The following SLC25A31 variants were observed in gnomAD, a reference collection of about 807,000 sequenced individuals.
SLC25A31 encodes ADP/ATP translocase 4.
In SLC25A31, 40 loss-of-function variants were observed where a neutral mutation model predicts 36.2. That is an observed-to-expected ratio of 1.10 (90% CI 0.86 to 1.44). SLC25A31 has a LOEUF of 1.44. SLC25A31 is among the 40% of genes most tolerant of loss of function. The probability of loss-of-function intolerance (pLI) is 0.00; values close to 1 mark genes in which losing one functional copy is unlikely to be tolerated. For synonymous variants in SLC25A31, 143 were observed against 149.7 expected (o/e 0.96, Z 0.32); for missense variants, 350 against 397.1 (o/e 0.88, Z 1.01).
chr4:127,743,219 G>A (rs911303930), intron 1 of SLC25A31, among the ~76,000 whole-genome samples: 7 of 148,994 alleles, frequency 4.7e-5, no homozygotes, highest in Admixed American at 3.4e-4. Flanking sequence ...CAGCCTCTAC[G>A]TCCTCAGCTC....
At chr4:127,773,288 C>A (rs986050197) in intron 5 of SLC25A31, 98 bp from the exon 6 acceptor site, 1 of 1,119,422 alleles carries the variant, frequency 8.9e-7, no homozygotes, top group Non-Finnish European at 1.3e-6. Flanking sequence ...TGCTACTCAA[C>A]ACAGTGTTTA....
At chr4:127,773,286 AAC>A in intron 5 of SLC25A31, 98 bp from the exon 6 acceptor site, 1 of 1,098,992 alleles carries the variant, frequency 9.1e-7, no homozygotes, top group East Asian at 2.5e-5. Context: ...AGTGCTACTC[AAC>A]ACAGTGTTTA....
intron 2 of SLC25A31, among the ~76,000 whole-genome samples, chr4:127,747,391 A>G (rs1284943346): frequency 6.6e-6 from 1 of 152,178 alleles, no homozygotes; most frequent in African/African-American, 2.4e-5. Flanking sequence ...ATTCCTGTCC[A>G]TGAGCATTGG....
At chr4:127,766,263 G>A (rs1489416702) in intron 3 of SLC25A31, among the ~76,000 whole-genome samples, 2 of 151,572 alleles carry the variant, frequency 1.3e-5, no homozygotes, top group African/African-American at 4.9e-5. Flanking sequence ...CACCTCCCAG[G>A]TTCAAGCAGT....
Position 127,730,551 on chromosome 4 carries a change from T to G in SLC25A31, c.6T>G (p.His2Gln). The change falls in exon 1 of 6, where the codon CAT becomes CAG. Residue 2 changes from histidine to glutamine, a missense_variant. Transcript: ENST00000281154. ...TTTTTATATCCTTCTCCATCATGCATCGTGAGCCTGCGAAAAAGAAGGCAG... is the reference window on the plus strand; with the variant it reads ...TTTTTATATCCTTCTCCATCATGCAGCGTGAGCCTGCGAAAAAGAAGGCAG... M[H>Q]REPAKKKAEK... 6.2e-7 allele frequency: 1 copy of G among 1,613,634 alleles called. No individual in the cohort carries two copies. Among genetic ancestry groups the G allele is most frequent in the Non-Finnish European group, 8.5e-7 (1 of 1,179,582 alleles).
At chr4:127,755,860 C>T (rs903202757) in intron 2 of SLC25A31, among the ~76,000 whole-genome samples, 1 of 152,156 alleles carries the variant, frequency 6.6e-6, no homozygotes, top group Non-Finnish European at 1.5e-5. Context: ...TGGTGAAACT[C>T]CATCTCTACT....
chr4:127,732,090 T>C (rs1384581019), intron 1 of SLC25A31, among the ~76,000 whole-genome samples: 1 of 152,234 alleles, frequency 6.6e-6, no homozygotes, highest in African/African-American at 2.4e-5. Flanking sequence ...CTATCAGATA[T>C]TTTATATAAT....
intron 2 of SLC25A31, among the ~76,000 whole-genome samples, chr4:127,757,368 T>C (rs576097486): frequency 4.6e-5 from 7 of 152,326 alleles, no homozygotes; most frequent in African/African-American, 1.4e-4. Flanking sequence ...TTCCCACTTA[T>C]AAGTGAGAAC....
rs1442022740 is a variant in SLC25A31, at chr4:127,760,731, C to T, written c.361-3512C>T. Among the ~76,000 whole-genome samples, 4 of 152,098 alleles carry T rather than the reference C, an allele frequency of 2.6e-5. No individual in the cohort carries two copies. In the East Asian group the frequency reaches 5.8e-4, roughly 22 times the overall value. ...ATCTTCTCCCTTCCTGATTCTTCTC[C>T]GTGCCTCTTCTTTTAACAATATAGT... On this transcript the variant is annotated intron_variant, in intron 2 of 5. Coordinates refer to ENST00000281154, the MANE Select transcript of SLC25A31 (RefSeq NM_031291.4).
At position 127,771,917 on chromosome 4, in the gene SLC25A31, G is replaced by A. The variant is rs557917885; in HGVS notation, c.760-1469G>A. ...AATCTGTTTTCTAGAGCTAACTCTTGTATGCCTGGGATAAACCCAGTTTGC... is the reference window on the plus strand; with the variant it reads ...AATCTGTTTTCTAGAGCTAACTCTTATATGCCTGGGATAAACCCAGTTTGC... On this transcript the variant is annotated intron_variant, in intron 5 of 5. Transcript: ENST00000281154. Among the ~76,000 whole-genome samples the A allele has an allele frequency of 7.4e-4, 113 of 152,264 alleles. 5 individuals are homozygous for A. In the South Asian group the frequency reaches 0.023, roughly 31 times the overall value.
Position 127,767,201 on chromosome 4 carries a change from G to T in SLC25A31, c.614G>T (p.Gly205Val). ...GIIVYRASYF[G>V]AYDTVKGLLP... is the part of the protein sequence containing the mutation. ...ATTGTGTACCGAGCCTCTTATTTTGGAGCTTATGACACAGTTAAGGTAATC... is the reference window on the plus strand; with the variant it reads ...ATTGTGTACCGAGCCTCTTATTTTGTAGCTTATGACACAGTTAAGGTAATC... Residue 205 changes from glycine (G) to valine (V), a missense_variant, in exon 4 of 6, where the codon GGA becomes GTA. Physicochemically the swap from Gly to Val is moderately radical, Grantham distance 109 (BLOSUM62 -3). Transcript: ENST00000281154. The T allele has an allele frequency of 1.2e-6, 2 of 1,602,854 alleles. No homozygotes were observed.
At chr4:127,752,600 A>AT (rs1201943891) in intron 2 of SLC25A31, among the ~76,000 whole-genome samples, 4 of 152,174 alleles carry the variant, frequency 2.6e-5, no homozygotes, top group Admixed American at 1.3e-4. Context: ...GCAAATGGAA[A>AT]TTTAAAAAGA....
intron 3 of SLC25A31, among the ~76,000 whole-genome samples, chr4:127,765,175 C>T (rs752216471): frequency 2.6e-5 from 4 of 152,158 alleles, no homozygotes; most frequent in Admixed American, 6.5e-5. Flanking sequence ...CACAGTAAGT[C>T]ATTTGGCTGC....
At chr4:127,733,849 C>G (rs1461469196) in intron 1 of SLC25A31, among the ~76,000 whole-genome samples, 1 of 152,144 alleles carries the variant, frequency 6.6e-6, no homozygotes, top group African/African-American at 2.4e-5. Flanking sequence ...TCTCTAGTTT[C>G]TTACCTTATC....
rs183867661 is a variant in SLC25A31, at chr4:127,735,601, G to A, written c.232+4824G>A. ...CCCCAGTAGGCACAAAATGTCTGCT[G>A]TGGAGGAGGTACCAAATAAAAGTTT... On this transcript the variant is annotated intron_variant, in intron 1 of 5. Coordinates refer to ENST00000281154, the MANE Select transcript of SLC25A31 (RefSeq NM_031291.4). 3.2e-4 allele frequency among the ~76,000 whole-genome samples: 48 copies of A among 152,166 alleles called. No individual in the cohort carries two copies. The East Asian group carries it at 8.3e-3, about 26-fold the overall frequency.
At chr4:127,732,953 A>G (rs551522454) in intron 1 of SLC25A31, among the ~76,000 whole-genome samples, 2 of 152,354 alleles carry the variant, frequency 1.3e-5, no homozygotes, top group East Asian at 3.9e-4. Context: ...CTGCTGCTAT[A>G]TGCAGGCCAG....
chr4:127,760,922 C>T lies in SLC25A31; in HGVS notation c.361-3321C>T, dbSNP rs1173881218. On this transcript the variant is annotated intron_variant, in intron 2 of 5. Transcript: ENST00000281154. ...AGTGTGGTGGCGGGCGCCTGTAGTC[C>T]CAGCACTCCAGCCTGGGCGGGGGGA... 2.6e-5 allele frequency among the ~76,000 whole-genome samples: 4 copies of T among 152,084 alleles called. No individual in the cohort carries two copies. The East Asian group carries it at 7.7e-4, about 29-fold the overall frequency.
At chr4:127,747,651 A>G (rs13147065) in intron 2 of SLC25A31, among the ~76,000 whole-genome samples, 12,769 of 152,228 alleles carry the variant, frequency 0.084, 762 homozygotes, top group East Asian at 0.26. Flanking sequence ...TGAGGTTTAG[A>G]TGAGATTACT....
intron 2 of SLC25A31, among the ~76,000 whole-genome samples, chr4:127,757,857 G>A (rs1243541033): frequency 6.6e-6 from 1 of 151,990 alleles, no homozygotes; most frequent in African/African-American, 2.4e-5. Flanking sequence ...CTTTTAATAT[G>A]CATTTCTCTG....
Sources: gnomAD v4.1 joint callset for allele counts (sites outside exome capture counted in the v4.1 genomes callset) on GRCh38, gnomAD v4.1.1 for gene constraint, MANE v1.5 for transcripts, NCBI Gene and HGNC (gene_info 2026-07-23, HGNC 2026-07-21) for gene names.